PRKCH: variants seen among roughly 807,000 people sequenced by gnomAD.
PRKCH encodes protein kinase C eta.
PRKCH carries 28 observed loss-of-function variants against 82.5 expected under a neutral mutation model. That is an observed-to-expected ratio of 0.34 (90% CI 0.25 to 0.47). The LOEUF is 0.47. Ranked by LOEUF, PRKCH falls within the 20% of genes least tolerant of loss-of-function variation. The pLI is 1.00. For synonymous variants in PRKCH, 322 were observed against 327.4 expected, an observed-to-expected ratio of 0.98 and a Z score of 0.18; for missense variants, 705 against 881.8, an observed-to-expected ratio of 0.80 and a Z score of 2.54.
intron 9 of PRKCH, among the ~76,000 whole-genome samples, chr14:61,471,803 C>T (rs1230285407): frequency 6.6e-6 from 1 of 152,044 alleles, no homozygotes; most frequent in South Asian, 2.1e-4. Flanking sequence ...TTATAACAAC[C>T]AAACATATCG....
intron 11 of PRKCH, among the ~76,000 whole-genome samples, chr14:61,529,829 G>A (rs57248887): frequency 9.2e-4 from 139 of 150,618 alleles, no homozygotes; most frequent in African/African-American, 2.8e-3. Flanking sequence ...TGGGTGCAGC[G>A]CACCAGCATG....
chr14:61,344,128 G>A (rs1397667334), intron 1 of PRKCH: 2 of 152,200 alleles, frequency 1.3e-5, no homozygotes, highest in African/African-American at 4.8e-5. Flanking sequence ...ATGGTTTCAG[G>A]TCAGTGATGA....
chr14:61,213,092 C>T (rs996908027), intron 1 of PRKCH, among the ~76,000 whole-genome samples: 1 of 152,064 alleles, frequency 6.6e-6, no homozygotes, highest in Admixed American at 6.5e-5. Flanking sequence ...GGGAGGAGGG[C>T]CCTTGTCTCT....
intron 2 of PRKCH, among the ~76,000 whole-genome samples, chr14:61,402,340 C>T (rs1228000771): frequency 2.0e-5 from 3 of 152,138 alleles, no homozygotes; most frequent in African/African-American, 7.2e-5. Flanking sequence ...TGAGAAACTA[C>T]GCCTTGTTTA....
At chr14:61,535,460 G>A (rs1231891708) in intron 12 of PRKCH, among the ~76,000 whole-genome samples, 1 of 152,236 alleles carries the variant, frequency 6.6e-6, no homozygotes, top group Non-Finnish European at 1.5e-5. Context: ...ATTTAATAAA[G>A]GCTGAAGAGA....
intron 9 of PRKCH, among the ~76,000 whole-genome samples, chr14:61,467,619 G>T (rs1480764180): frequency 1.3e-5 from 2 of 152,244 alleles, no homozygotes; most frequent in South Asian, 4.1e-4. Flanking sequence ...TAGCCGAAAG[G>T]CTGGGAGACT....
In PRKCH at chr14:61,443,283, G is replaced by C. The variant is rs745737007; in HGVS notation, c.578+22G>C. 4 of 1,607,536 alleles carry C rather than the reference G, an allele frequency of 2.5e-6. No homozygotes were observed. In the East Asian group the frequency reaches 9.0e-5, roughly 36 times the overall value. On this transcript the variant is annotated intron_variant, in intron 3 of 13. Coordinates refer to ENST00000332981, the MANE Select transcript of PRKCH (RefSeq NM_006255.5). ...TCTGGTAAGGGGTTCCCTTACTTCT[G>C]TCCTCCTCAGAGCTTCCATCTAATA...
chr14:61,316,741 G>T (rs75521606), upstream of PRKCH, among the ~76,000 whole-genome samples: 161 of 152,290 alleles, frequency 1.1e-3, 1 homozygote, highest in East Asian at 0.029. Context: ...CATAACATAG[G>T]CTGGAGACAA....
chr14:61,523,639 A>G (rs1228056723), intron 10 of PRKCH, among the ~76,000 whole-genome samples: 2 of 152,238 alleles, frequency 1.3e-5, no homozygotes, highest in African/African-American at 4.8e-5. Context: ...ACCACTGAAG[A>G]CACTGTTATT....
chr14:61,399,841 C>CAA (rs1437945563), intron 2 of PRKCH, among the ~76,000 whole-genome samples: 1 of 151,982 alleles, frequency 6.6e-6, no homozygotes, highest in Non-Finnish European at 1.5e-5. Context: ...AAAACTTCCT[C>CAA]AAAAACAAAA....
chr14:61,218,819 C>A (rs1052820496), intron 1 of PRKCH, among the ~76,000 whole-genome samples: 2 of 152,024 alleles, frequency 1.3e-5, no homozygotes, highest in Admixed American at 6.6e-5. Flanking sequence ...CCCTCTTCAC[C>A]CCCCACCTAA....
rs575448328 is a variant in PRKCH at position 61,313,966 on chromosome 14, G to A, written c.-19+126298G>A. On this transcript the variant is annotated intron_variant, in intron 1 of 3. Coordinates refer to the PRKCH transcript ENST00000555185. ...CCTGAGTAGCTGGGACCATAGGCAT[G>A]TGCCACCACGCCCAGCTAATTTTTA... Among the ~76,000 whole-genome samples the A allele has an allele frequency of 1.2e-4, 18 of 152,284 alleles. No individual in the cohort carries two copies. In the East Asian group the frequency reaches 3.3e-3, roughly 28 times the overall value.
chr14:61,262,535 A>G (rs941806861), intron 1 of PRKCH, among the ~76,000 whole-genome samples: 3 of 152,182 alleles, frequency 2.0e-5, no homozygotes, highest in African/African-American at 7.2e-5. Context: ...ACCTTTGGCA[A>G]AGGGATAATT....
intron 4 of PRKCH, among the ~76,000 whole-genome samples, chr14:61,446,555 T>C (rs1884234623): frequency 1.3e-5 from 2 of 152,254 alleles, no homozygotes; most frequent in African/African-American, 4.8e-5. Flanking sequence ...AAACATTACT[T>C]CCCTTGGATG....
intron 1 of PRKCH, among the ~76,000 whole-genome samples, chr14:61,240,318 G>A (rs554387829): frequency 6.6e-6 from 1 of 152,320 alleles, no homozygotes; most frequent in African/African-American, 2.4e-5. Context: ...GAGGTTGGAG[G>A]AAGCGGTGTC....
chr14:61,524,297 C>CTTG (rs1167076887), intron 10 of PRKCH, among the ~76,000 whole-genome samples: 1 of 152,158 alleles, frequency 6.6e-6, no homozygotes, highest in Non-Finnish European at 1.5e-5. Context: ...TTTAAGTAAC[C>CTTG]CTGATTACCC....
chr14:61,336,563 A>G (rs1207772747), intron 1 of PRKCH, among the ~76,000 whole-genome samples: 1 of 152,248 alleles, frequency 6.6e-6, no homozygotes, highest in African/African-American at 2.4e-5. Flanking sequence ...AAATAAATCA[A>G]GTTGCAATAT....
chr14:61,294,935 C>T (rs2045394070), intron 1 of PRKCH, among the ~76,000 whole-genome samples: 1 of 152,186 alleles, frequency 6.6e-6, no homozygotes, highest in South Asian at 2.1e-4. Flanking sequence ...TGCAGTGGTG[C>T]GATCTTGGCT....
intron 10 of PRKCH, among the ~76,000 whole-genome samples, chr14:61,519,873 T>TAAA (rs35383143): frequency 7.0e-6 from 1 of 143,220 alleles, no homozygotes; most frequent in African/African-American, 2.5e-5. Flanking sequence ...ATTTCTGTGG[T>TAAA]AAAAAAAAAA....
Sources: allele counts gnomAD v4.1 joint callset (sites outside exome capture counted in the v4.1 genomes callset), GRCh38; gene constraint gnomAD v4.1.1; transcripts MANE v1.5; gene names NCBI Gene and HGNC (gene_info 2026-07-23, HGNC 2026-07-21).